Variants in SLC28A1 observed in about 807,000 individuals in gnomAD.
SLC28A1 encodes the protein sodium/nucleoside cotransporter 1.
In SLC28A1, 64 loss-of-function variants were observed where a neutral mutation model predicts 74.8. That is an observed-to-expected ratio of 0.86 (90% CI 0.70 to 1.05). The LOEUF (loss-of-function observed/expected upper bound fraction) is 1.05, where lower values mean the gene tolerates loss of function less well. SLC28A1 is among the 50% of genes least tolerant of loss of function. The pLI, the probability that SLC28A1 is intolerant of heterozygous loss-of-function variation, is 0.00. For missense variants in SLC28A1, 828 were observed against 822.8 expected, an observed-to-expected ratio of 1.01 and a Z score of -0.08; for synonymous variants, 359 against 335.0, an observed-to-expected ratio of 1.07 and a Z score of -0.78.
At chr15:84,896,388 A>G (rs1469488707) in intron 6 of SLC28A1, among the ~76,000 whole-genome samples, 1 of 152,250 alleles carries the variant, frequency 6.6e-6, no homozygotes, top group Non-Finnish European at 1.5e-5. Context: ...CCACAATAAG[A>G]TACCACTTCA....
At chr15:84,893,180 C>A (rs2141669085) in intron 5 of SLC28A1, among the ~76,000 whole-genome samples, 2 of 152,300 alleles carry the variant, frequency 1.3e-5, no homozygotes, top group Middle Eastern at 6.8e-3. Flanking sequence ...CTCATCTCGG[C>A]TGGCCTCAGA....
chr15:84,898,160 G>A (rs1966211445), intron 6 of SLC28A1, among the ~76,000 whole-genome samples: 1 of 150,740 alleles, frequency 6.6e-6, no homozygotes, highest in African/African-American at 2.4e-5. Flanking sequence ...ACCCAGTAGT[G>A]GAATTACCGA....
At chr15:84,924,499 G>T (rs143591291) in intron 12 of SLC28A1, among the ~76,000 whole-genome samples, 17 of 152,114 alleles carry the variant, frequency 1.1e-4, no homozygotes, top group African/African-American at 4.1e-4. Flanking sequence ...CTAGAGATCC[G>T]TCCTACTCCT....
rs759887412 is a variant in SLC28A1, at chr15:84,921,009, C to T, written c.897C>T (p.Val299=). The stretch of plus-strand genomic sequence containing the variant: ...TCTAGATTGCCTGGCTGATGCAAGT[C>T]ACCATGGGCACCACAGCCACTGAGA... ...VILKIAWLMQ[V]TMGTTATETL... The change falls in exon 11 of 19, where the codon GTC becomes GTT. Residue 299 remains valine (V), a synonymous_variant. Coordinates refer to ENST00000394573, the MANE Select transcript of SLC28A1 (RefSeq NM_004213.5). 6.2e-7 allele frequency: 1 copy of T among 1,613,982 alleles called. No individual in the cohort carries two copies. The highest frequency in any genetic ancestry group is 2.2e-5 in the East Asian group (1 of 44,886).
chr15:84,898,205 A>G (rs1009129331), intron 6 of SLC28A1, among the ~76,000 whole-genome samples: 2 of 151,884 alleles, frequency 1.3e-5, no homozygotes, highest in African/African-American at 4.8e-5. Context: ...TTTTGTGAGG[A>G]ACTTCTATCC....
chr15:84,907,470 C>T (rs540296436), intron 8 of SLC28A1, among the ~76,000 whole-genome samples: 1 of 152,220 alleles, frequency 6.6e-6, no homozygotes, highest in Admixed American at 6.5e-5. Context: ...TAGGCATAAG[C>T]CACCATGCTG....
intron 8 of SLC28A1, 124 bp from the exon 9 acceptor site, chr15:84,908,594 C>A (rs576652523): frequency 7.1e-5 from 55 of 779,218 alleles, no homozygotes; most frequent in African/African-American, 4.4e-4. Context: ...GGTGCCCCCC[C>A]CCGGATAAGG....
intron 4 of SLC28A1, among the ~76,000 whole-genome samples, chr15:84,889,678 TTCCTTCCTTCC>T (rs1304137191): frequency 9.0e-5 from 8 of 88,542 alleles, no homozygotes; most frequent in East Asian, 2.6e-4. Context: ...CCTTCCTTCT[TTCCTTCCTTCC>T]TTCTTTCCTT....
At chr15:84,890,361 C>A in intron 4 of SLC28A1, 82 bp from the exon 5 acceptor site, 1 of 1,007,832 alleles carries the variant, frequency 9.9e-7, no homozygotes, top group Non-Finnish European at 1.5e-6. Context: ...TTACTGGGGA[C>A]ATACCTGAGT....
chr15:84,910,721 T>G, intron 9 of SLC28A1, among the ~76,000 whole-genome samples: 1 of 152,088 alleles, frequency 6.6e-6, no homozygotes, highest in East Asian at 1.9e-4. Context: ...AGAGCGAAAC[T>G]GCATCTCAAC....
the SLC28A1 span, among the ~76,000 whole-genome samples, chr15:84,975,346 T>A: frequency 6.6e-6 from 1 of 152,232 alleles, no homozygotes; most frequent in African/African-American, 2.4e-5. Context: ...AATGATGTTA[T>A]CTCCAGCCCC....
At chr15:84,919,298 T>C (rs1023271740) in intron 10 of SLC28A1, among the ~76,000 whole-genome samples, 5 of 152,226 alleles carry the variant, frequency 3.3e-5, no homozygotes, top group African/African-American at 7.2e-5. Flanking sequence ...ACAGATAGCA[T>C]TGGACTTGGC....
chr15:84,939,981 A>G (rs1972453508), intron 15 of SLC28A1, among the ~76,000 whole-genome samples: 1 of 152,022 alleles, frequency 6.6e-6, no homozygotes, highest in Non-Finnish European at 1.5e-5. Context: ...GTGCCACCAC[A>G]CCTGGCTAAC....
chr15:84,914,609 TATGA>T (rs1968817111), intron 9 of SLC28A1, among the ~76,000 whole-genome samples: 2 of 152,186 alleles, frequency 1.3e-5, no homozygotes, highest in Admixed American at 1.3e-4. Context: ...CCACAGATGC[TATGA>T]GGATTCATGA....
intron 11 of SLC28A1, 94 bp from the exon 12 acceptor site, chr15:84,923,891 C>T (rs1391243733): frequency 5.2e-6 from 8 of 1,553,012 alleles, no homozygotes; most frequent in African/African-American, 2.7e-5. Flanking sequence ...TGCCTCTTAC[C>T]GTGGGACTCC....
chr15:84,900,061 A>G (rs1266953064), intron 6 of SLC28A1, among the ~76,000 whole-genome samples: 1 of 152,076 alleles, frequency 6.6e-6, no homozygotes, highest in East Asian at 1.9e-4. Flanking sequence ...TCGTGTCTAT[A>G]ATCCCAGCAA....
chr15:84,930,616 T>C (rs1448893547), intron 12 of SLC28A1, among the ~76,000 whole-genome samples: 1 of 42,560 alleles, frequency 2.3e-5, no homozygotes, highest in Non-Finnish European at 5.8e-5. Context: ...GCCCTCTGCT[T>C]TTTTTTTTTT....
rs764863375 is a variant in SLC28A1, at chr15:84,935,053, C to A, written c.1242C>A (p.Ala414=). ...YGDAQNLIEA[A]STGAAISVKV... is the part of the protein sequence containing the mutation. ...ATGCTCAGAACCTCATAGAAGCAGCCAGCACTGGGGCCGCCATCTCCGTGA... is the reference window on the plus strand; with the variant it reads ...ATGCTCAGAACCTCATAGAAGCAGCAAGCACTGGGGCCGCCATCTCCGTGA... Residue 414 remains alanine, a synonymous_variant, in exon 14 of 19, where the codon GCC becomes GCA. Coordinates refer to ENST00000394573, the MANE Select transcript of SLC28A1 (RefSeq NM_004213.5). The A allele has an allele frequency of 6.2e-7, 1 of 1,614,110 alleles. No individual in the cohort carries two copies.
intron 12 of SLC28A1, among the ~76,000 whole-genome samples, chr15:84,932,096 T>C (rs539211522): frequency 1.3e-5 from 2 of 152,182 alleles, no homozygotes; most frequent in South Asian, 4.1e-4. Flanking sequence ...CTTTCTAATC[T>C]TTTCATGCGC....
Sources: gnomAD v4.1 joint callset for allele counts (sites outside exome capture counted in the v4.1 genomes callset) on GRCh38, gnomAD v4.1.1 for gene constraint, MANE v1.5 for transcripts, NCBI Gene and HGNC (gene_info 2026-07-23, HGNC 2026-07-21) for gene names.